SVOPL: variants seen among roughly 807,000 people sequenced by gnomAD.
SVOPL encodes putative transporter SVOPL.
A neutral mutation model predicts 61.0 loss-of-function variants in SVOPL; 60 were observed. That is an observed-to-expected ratio of 0.98 (90% CI 0.80 to 1.22). SVOPL has a LOEUF of 1.22. Among genes scored for constraint, SVOPL ranks in the 50% most tolerant of loss-of-function variants. The probability of loss-of-function intolerance (pLI) is 0.00; values close to 1 mark genes in which losing one functional copy is unlikely to be tolerated. For synonymous variants in SVOPL, 279 were observed against 250.0 expected, an observed-to-expected ratio of 1.12 and a Z score of -1.09; for missense variants, 662 against 643.9, an observed-to-expected ratio of 1.03 and a Z score of -0.30.
At chr7:138,602,590 C>T (rs954307866) in intron 14 of SVOPL, among the ~76,000 whole-genome samples, 2 of 152,036 alleles carry the variant, frequency 1.3e-5, no homozygotes, top group Non-Finnish European at 2.9e-5. Context: ...GCCTTTAAGC[C>T]TCACTCCTCC....
intron 7 of SVOPL, among the ~76,000 whole-genome samples, chr7:138,652,566 G>A (rs147635836): frequency 1.5e-4 from 23 of 152,264 alleles, no homozygotes; most frequent in South Asian, 2.1e-4. Flanking sequence ...TAAGCCAAAA[G>A]CTAGGCCTGT....
intron 14 of SVOPL, among the ~76,000 whole-genome samples, chr7:138,612,547 G>A (rs1431555930): frequency 5.8e-5 from 8 of 138,808 alleles, no homozygotes; most frequent in South Asian, 2.2e-4. Flanking sequence ...AGAAAGTCTC[G>A]CTCTATCGCC....
At chr7:138,668,389 T>C (rs1457345258) in intron 4 of SVOPL, among the ~76,000 whole-genome samples, 1 of 152,136 alleles carries the variant, frequency 6.6e-6, no homozygotes, top group Non-Finnish European at 1.5e-5. Flanking sequence ...ATCAGCTCTG[T>C]CTAGTCAGCG....
chr7:138,601,022 C>T (rs549711684), intron 14 of SVOPL, among the ~76,000 whole-genome samples: 34 of 151,830 alleles, frequency 2.2e-4, no homozygotes, highest in African/African-American at 6.0e-4. Context: ...GAGGCTGAGG[C>T]GGGTGGATCA....
intron 4 of SVOPL, among the ~76,000 whole-genome samples, chr7:138,664,622 G>A (rs1414153076): frequency 7.7e-6 from 1 of 130,530 alleles, no homozygotes; most frequent in Non-Finnish European, 1.6e-5. Flanking sequence ...CACCAGATGC[G>A]CGCCTAATCT....
intron 6 of SVOPL, among the ~76,000 whole-genome samples, chr7:138,658,076 G>C (rs77814653): frequency 1.3e-5 from 2 of 152,158 alleles, no homozygotes; most frequent in Non-Finnish European, 2.9e-5. Context: ...GTTTTAGTGG[G>C]TTTAGGCCAG....
intron 9 of SVOPL, among the ~76,000 whole-genome samples, chr7:138,642,297 A>C (rs867422429): frequency 6.6e-6 from 1 of 151,186 alleles, no homozygotes; most frequent in Non-Finnish European, 1.5e-5. Context: ...CAAAAAAAAA[A>C]AAAAAAAAAT....
intron 1 of SVOPL, among the ~76,000 whole-genome samples, chr7:138,700,959 A>G (rs1465746218): frequency 3.3e-5 from 5 of 152,134 alleles, no homozygotes; most frequent in Non-Finnish European, 7.4e-5. Context: ...GTATTTTGTT[A>G]TACTGATTGT....
intron 8 of SVOPL, 137 bp from the exon 9 acceptor site, chr7:138,644,982 T>C: frequency 9.0e-7 from 1 of 1,109,420 alleles, no homozygotes; most frequent in Non-Finnish European, 1.3e-6. Context: ...GCATGCAATG[T>C]AGCAGGTATT....
Position 138,628,251 on chromosome 7 carries a change from C to G in SVOPL, c.976G>C (p.Asp326His), listed in dbSNP as rs562489887. The change falls in exon 11 of 16, where the codon GAC becomes CAC. Residue 326 changes from aspartate to histidine, a missense_variant. By Grantham distance (81) the Asp-to-His change is moderately conservative. Transcript: ENST00000674285. ...CAGGGGCTCTGGCTCTCCCCTGAGT[C>G]CCCCCCAGTCACCACCACCGCAGAG... ...SDSAVVVTGG[D>H]SGESQSPCYC... 44 of 1,613,946 alleles carry G rather than the reference C, an allele frequency of 2.7e-5. No homozygotes were observed. The highest frequency in any genetic ancestry group is 4.5e-5 in the East Asian group (2 of 44,878).
intron 14 of SVOPL, among the ~76,000 whole-genome samples, chr7:138,606,948 T>TG (rs1166948030): frequency 6.6e-6 from 1 of 150,396 alleles, no homozygotes; most frequent in Non-Finnish European, 1.5e-5. Context: ...AGCTAGACTC[T>TG]GTCTCAAGAA....
intron 9 of SVOPL, among the ~76,000 whole-genome samples, chr7:138,641,814 T>TTATATATATATATA (rs10666134): frequency 0.021 from 2,484 of 120,784 alleles, 50 homozygotes; most frequent in South Asian, 0.089. Context: ...TATATATATG[T>TTATATATATATATA]TATATATATA....
chr7:138,617,184 G>A (rs1799341059), intron 14 of SVOPL, among the ~76,000 whole-genome samples: 1 of 152,098 alleles, frequency 6.6e-6, no homozygotes, highest in Admixed American at 6.6e-5. Context: ...TGGCCAGGCT[G>A]GTCTCTAACT....
At chr7:138,634,418 G>A (rs1035415917) in intron 9 of SVOPL, among the ~76,000 whole-genome samples, 1 of 151,854 alleles carries the variant, frequency 6.6e-6, no homozygotes, top group African/African-American at 2.4e-5. Flanking sequence ...CAAGGTGGAA[G>A]GATCACCTGG....
rs1323039457 is a variant in SVOPL, at chr7:138,678,967, T to G, written c.79A>C (p.Lys27Gln). Residue 27 changes from lysine to glutamine, a missense_variant, in exon 2 of 16, where the codon AAA (lysine) becomes CAA (glutamine). Physicochemically the swap from Lys to Gln is moderately conservative, Grantham distance 53 (BLOSUM62 1). Transcript: ENST00000674285. ...GAGACTTCTATGATAATCTCACCTT[T>G]AACCTGTGGCTCTGCGGTCCCCAGG... ...LSLGTAEPQV[K>Q]EPKTFTVEDA... The G allele has an allele frequency of 6.4e-7, 1 of 1,551,568 alleles. No homozygotes were observed. The highest frequency in any genetic ancestry group is 2.0e-5 in the Admixed American group (1 of 50,994).
chr7:138,615,394 A>G (rs1799245753), intron 14 of SVOPL, among the ~76,000 whole-genome samples: 1 of 152,034 alleles, frequency 6.6e-6, no homozygotes, highest in African/African-American at 2.4e-5. Context: ...GGTCTCTACT[A>G]AAAATACAAA....
intron 4 of SVOPL, among the ~76,000 whole-genome samples, chr7:138,665,634 C>T (rs1375387172): frequency 6.6e-6 from 1 of 152,152 alleles, no homozygotes; most frequent in Non-Finnish European, 1.5e-5. Context: ...CTATAAAAAA[C>T]GGTATCACGT....
Position 138,630,881 on chromosome 7 carries a change from T to C in SVOPL, c.790-759A>G, listed in dbSNP as rs559127048. Among the ~76,000 whole-genome samples, 8 of 143,546 alleles carry C rather than the reference T, an allele frequency of 5.6e-5. No homozygotes were observed. The South Asian group carries it at 1.8e-3, about 32-fold the overall frequency. The allele number at this position is 143,546 out of a possible 152,430, so 94.2% of individuals were successfully genotyped here. ...TCACTTGAACCCAGGAGATGGAGGT[T>C]GCAGTGAGCCGAGATCACACCATTG... On this transcript the variant is annotated intron_variant, in intron 9 of 15. Transcript: ENST00000674285.
At chr7:138,601,264 A>AG (rs1196878470) in intron 14 of SVOPL, among the ~76,000 whole-genome samples, 2 of 151,550 alleles carry the variant, frequency 1.3e-5, no homozygotes, top group East Asian at 3.9e-4. Flanking sequence ...AAAAAAAAAA[A>AG]AAAAAGAAAA....
Sources: allele counts gnomAD v4.1 joint callset (sites outside exome capture counted in the v4.1 genomes callset), GRCh38; gene constraint gnomAD v4.1.1; transcripts MANE v1.5; gene names NCBI Gene and HGNC (gene_info 2026-07-23, HGNC 2026-07-21).